Variants in QRICH1 observed in about 807,000 individuals in gnomAD.
QRICH1 encodes transcriptional regulator QRICH1.
QRICH1 carries 16 observed loss-of-function variants against 87.1 expected under a neutral mutation model. That is an observed-to-expected ratio of 0.18 (90% confidence interval 0.12 to 0.28). The LOEUF (loss-of-function observed/expected upper bound fraction) is 0.28. Among genes scored for constraint, QRICH1 ranks in the 10% least tolerant of loss-of-function variants. The pLI is 1.00. For synonymous variants in QRICH1, 367 were observed against 368.4 expected, an observed-to-expected ratio of 1.00 and a Z score of 0.05; for missense variants, 647 against 951.7, an observed-to-expected ratio of 0.68 and a Z score of 4.21.
rs2093225835 is a variant in QRICH1 at position 49,030,169 on chromosome 3, T to C, written c.*283A>G. The C allele has an allele frequency of 4.0e-6, 2 of 505,402 alleles. No homozygotes were observed. The highest frequency in any genetic ancestry group is 6.2e-5 in the South Asian group (2 of 32,410). The allele number at this position is 505,402 out of a possible 1,614,324, so 31.3% of individuals were successfully genotyped here. A position where few individuals can be genotyped will look rare whatever the true frequency, so the allele number is the denominator to read the frequency against. The stretch of plus-strand genomic sequence containing the variant: ...ACATTTCTTTTCACAGTCCAAGCCC[T>C]TTCCCCAGGCCCCAGACAAAAAAGA... On this transcript the variant is annotated 3_prime_UTR_variant, in exon 10 of 10. Coordinates refer to ENST00000395443, the MANE Select transcript of QRICH1 (RefSeq NM_198880.3).
chr3:49,069,398 A>G (rs1040542625), intron 2 of QRICH1, among the ~76,000 whole-genome samples: 1 of 151,950 alleles, frequency 6.6e-6, no homozygotes, highest in East Asian at 1.9e-4. Flanking sequence ...CACCACACAC[A>G]GCTGAAAATT....
chr3:49,032,048 C>T, intron 9 of QRICH1, 135 bp downstream of exon 9: 1 of 721,998 alleles, frequency 1.4e-6, no homozygotes, highest in Admixed American at 2.6e-5. Flanking sequence ...CTAAATTTAG[C>T]TTTCTGGAAG....
chr3:49,089,948 T>C (rs1351575317), intron 1 of QRICH1, among the ~76,000 whole-genome samples: 1 of 152,238 alleles, frequency 6.6e-6, no homozygotes, highest in Non-Finnish European at 1.5e-5. Flanking sequence ...ATTTACTTTA[T>C]AATTTGTCAT....
chr3:49,035,430 T>A (rs2093268871), intron 6 of QRICH1, among the ~76,000 whole-genome samples: 1 of 152,198 alleles, frequency 6.6e-6, no homozygotes, highest in South Asian at 2.1e-4. Flanking sequence ...TACTTTGGCA[T>A]GTTCCACTTC....
At chr3:49,060,996 G>A (rs1386110964) in intron 2 of QRICH1, among the ~76,000 whole-genome samples, 1 of 151,574 alleles carries the variant, frequency 6.6e-6, no homozygotes, top group African/African-American at 2.4e-5. Flanking sequence ...AAATTATCCA[G>A]GCATGGTGGT....
chr3:49,051,238 C>T (rs557417808), intron 3 of QRICH1, among the ~76,000 whole-genome samples: 3 of 152,282 alleles, frequency 2.0e-5, no homozygotes, highest in African/African-American at 7.2e-5. Context: ...TCACATACAC[C>T]TGAAATGAAA....
rs536448552 is a variant in QRICH1 at position 49,086,326 on chromosome 3, G to A, written c.-22+7586C>T. Among the ~76,000 whole-genome samples the A allele has an allele frequency of 2.8e-3, 422 of 150,254 alleles. 4 individuals are homozygous for A. Among genetic ancestry groups the A allele is most frequent in the African/African-American group, 9.5e-3 (387 of 40,794 alleles). On this transcript the variant is annotated intron_variant, in intron 1 of 9. Coordinates refer to ENST00000395443, the MANE Select transcript of QRICH1 (RefSeq NM_198880.3). ...GGCTGGAGTGCAATGGTGCGATCTCGGCTCACTGTAAGCTCCACCTCCTGG... is the reference window on the plus strand; with the variant it reads ...GGCTGGAGTGCAATGGTGCGATCTCAGCTCACTGTAAGCTCCACCTCCTGG...
chr3:49,079,874 C>T (rs1424219543), intron 1 of QRICH1, among the ~76,000 whole-genome samples: 2 of 152,036 alleles, frequency 1.3e-5, no homozygotes, highest in Admixed American at 6.6e-5. Flanking sequence ...ACTAAAAATA[C>T]AAAAATTAGC....
At chr3:49,041,701 G>C (rs541048148) in intron 6 of QRICH1, among the ~76,000 whole-genome samples, 1 of 151,962 alleles carries the variant, frequency 6.6e-6, no homozygotes, top group South Asian at 2.1e-4. Context: ...CGTGGTCTCA[G>C]CTCACTGCAA....
chr3:49,044,649 C>A, intron 5 of QRICH1, 145 bp from the exon 6 acceptor site: 2 of 588,570 alleles, frequency 3.4e-6, no homozygotes, highest in Non-Finnish European at 6.0e-6. Flanking sequence ...TGTGACACTT[C>A]CATAGTATGC....
At chr3:49,060,909 T>C (rs1246590474) in intron 2 of QRICH1, among the ~76,000 whole-genome samples, 1 of 151,602 alleles carries the variant, frequency 6.6e-6, no homozygotes, top group Non-Finnish European at 1.5e-5. Context: ...GGAGGGCAGA[T>C]CACTTGAGGC....
intron 3 of QRICH1, 69 bp downstream of exon 3, chr3:49,056,793 G>A (rs1376372244): frequency 6.2e-7 from 1 of 1,607,904 alleles, no homozygotes; most frequent in East Asian, 2.2e-5. Flanking sequence ...GAGGTTGCGA[G>A]GCAAGCTCTG....
intron 1 of QRICH1, among the ~76,000 whole-genome samples, chr3:49,082,902 AAAAAAAAG>A: frequency 6.6e-6 from 1 of 150,730 alleles, no homozygotes; most frequent in Admixed American, 6.6e-5. Context: ...CTCAAAAAAA[AAAAAAAAG>A]AAAAAAAGGC....
At chr3:49,046,272 A>G (rs1029472714) in intron 5 of QRICH1, among the ~76,000 whole-genome samples, 153 bp downstream of exon 5, 1 of 152,080 alleles carries the variant, frequency 6.6e-6, no homozygotes, top group Non-Finnish European at 1.5e-5. Flanking sequence ...TAAAAAAAAA[A>G]AAAAAACAAC....
intron 1 of QRICH1, among the ~76,000 whole-genome samples, chr3:49,087,267 A>G (rs927236411): frequency 6.7e-6 from 1 of 150,244 alleles, no homozygotes; most frequent in Non-Finnish European, 1.5e-5. Flanking sequence ...CAAAAAAATA[A>G]AATAAAATAG....
intron 6 of QRICH1, among the ~76,000 whole-genome samples, chr3:49,042,463 T>G (rs1347150582): frequency 6.6e-6 from 1 of 152,174 alleles, no homozygotes; most frequent in African/African-American, 2.4e-5. Flanking sequence ...AAAGGCCACA[T>G]GCCGAATTAT....
chr3:49,046,545 G>C lies in QRICH1; in HGVS notation c.1551C>G (p.Ile517Met), dbSNP rs1373660159. The C allele has an allele frequency of 6.2e-7, 1 of 1,613,672 alleles. No homozygotes were observed. The highest frequency in any genetic ancestry group is 2.2e-5 in the East Asian group (1 of 44,876). Residue 517 changes from isoleucine to methionine, a missense_variant, in exon 5 of 10, where the codon ATC becomes ATG. Ile to Met is a conservative substitution (Grantham distance 10). Coordinates refer to ENST00000395443, the MANE Select transcript of QRICH1 (RefSeq NM_198880.3). ...AATTCAACTCTGCCACAGCAGAGGA[G>C]ATGAGATCTTCCTGGAATCGCAGCA... Reference protein sequence around the residue: ...RQLLRFQEDLISSAVAELNYG... With the variant: ...RQLLRFQEDLMSSAVAELNYG...
chr3:49,043,947 C>G (rs1026960569), intron 6 of QRICH1, among the ~76,000 whole-genome samples: 3 of 152,174 alleles, frequency 2.0e-5, no homozygotes, highest in African/African-American at 7.2e-5. Context: ...TGAGGCCCAT[C>G]TCAGCAACAT....
intron 2 of QRICH1, among the ~76,000 whole-genome samples, chr3:49,073,847 C>T (rs1241211661): frequency 6.6e-6 from 1 of 151,896 alleles, no homozygotes; most frequent in Admixed American, 6.6e-5. Context: ...CAGGGTTTCA[C>T]CATGTTGCCC....
Sources: gnomAD v4.1 joint callset for allele counts (sites outside exome capture counted in the v4.1 genomes callset) on GRCh38, gnomAD v4.1.1 for gene constraint, MANE v1.5 for transcripts, NCBI Gene and HGNC (gene_info 2026-07-23, HGNC 2026-07-21) for gene names.